TMCO4: variants seen among roughly 807,000 people sequenced by gnomAD.
The protein encoded by TMCO4 is transmembrane and coiled-coil domain-containing protein 4.
A neutral mutation model predicts 64.7 loss-of-function variants in TMCO4; 58 were observed. The ratio of observed to expected loss-of-function variants is 0.90; its 90% CI spans 0.73 to 1.12. TMCO4 has a LOEUF of 1.12. Among genes scored for constraint, TMCO4 ranks in the 50% most tolerant of loss-of-function variants. TMCO4 has a pLI of 0.00. For missense variants in TMCO4, 780 were observed against 825.9 expected, an observed-to-expected ratio of 0.94 and a Z score of 0.68; for synonymous variants, 325 against 346.1, an observed-to-expected ratio of 0.94 and a Z score of 0.68.
At chr1:19,691,780 C>T (rs570991683) in intron 15 of TMCO4, among the ~76,000 whole-genome samples, 1 of 152,356 alleles carries the variant, frequency 6.6e-6, no homozygotes, top group South Asian at 2.1e-4. Context: ...ACCCAAATCT[C>T]ATCTTGAATT....
At chr1:19,716,389 T>TC (rs1251192624) in intron 13 of TMCO4, among the ~76,000 whole-genome samples, 6 of 148,008 alleles carry the variant, frequency 4.1e-5, no homozygotes, top group Admixed American at 2.0e-4. Flanking sequence ...TTCTTTTTTT[T>TC]TTTTTTTTGT....
intron 10 of TMCO4, among the ~76,000 whole-genome samples, chr1:19,745,203 G>A (rs1244323597): frequency 1.3e-5 from 2 of 149,438 alleles, no homozygotes; most frequent in Non-Finnish European, 3.0e-5. Context: ...AGAGTAGATG[G>A]ATGGATGGAT....
At chr1:19,693,074 G>C (rs1430961910) in intron 15 of TMCO4, among the ~76,000 whole-genome samples, 1 of 150,082 alleles carries the variant, frequency 6.7e-6, no homozygotes, top group Non-Finnish European at 1.5e-5. Context: ...TCAGGAGGCT[G>C]GGGCAGGAAG....
At chr1:19,790,689 A>C (rs1339399250) in intron 2 of TMCO4, among the ~76,000 whole-genome samples, 1 of 152,188 alleles carries the variant, frequency 6.6e-6, no homozygotes, top group East Asian at 1.9e-4. Flanking sequence ...GAGAAATAGG[A>C]ACACTCTTAC....
chr1:19,747,032 C>T (rs922589017), intron 8 of TMCO4, 131 bp downstream of exon 8: 1 of 835,496 alleles, frequency 1.2e-6, no homozygotes, highest in Non-Finnish European at 2.0e-6. Flanking sequence ...CGACTACTCA[C>T]TGACTACCTA....
chr1:19,745,849 T>C (rs1260113484), intron 9 of TMCO4, among the ~76,000 whole-genome samples, 198 bp from the exon 10 acceptor site: 2 of 152,118 alleles, frequency 1.3e-5, no homozygotes, highest in Non-Finnish European at 2.9e-5. Flanking sequence ...AGAAGCTGCT[T>C]CTGAGGCTGG....
At chr1:19,687,913 AG>A (rs2095162356) in intron 15 of TMCO4, among the ~76,000 whole-genome samples, 1 of 152,136 alleles carries the variant, frequency 6.6e-6, no homozygotes, top group African/African-American at 2.4e-5. Flanking sequence ...CCCTCTGCAA[AG>A]ACCCAGGGGA....
Position 19,747,334 on chromosome 1 carries a change from C to T in TMCO4, c.516-74G>A. 2 of 1,307,354 alleles carry T rather than the reference C, an allele frequency of 1.5e-6. 1 individual carries two copies. The highest frequency in any genetic ancestry group is 2.4e-5 in the South Asian group (2 of 85,084). The allele number at this position is 1,307,354 out of a possible 1,614,324, so 81.0% of individuals were successfully genotyped here. On this transcript the variant is annotated intron_variant, in intron 7 of 15. Coordinates refer to ENST00000294543, the MANE Select transcript of TMCO4 (RefSeq NM_181719.7). The stretch of plus-strand genomic sequence containing the variant: ...TTGAGACATCCCCACCACACCAACC[C>T]TCAAACAGGGGCCAATGCTGGGTAG...
chr1:19,686,173 C>A (rs549271232), intron 15 of TMCO4, among the ~76,000 whole-genome samples: 1 of 152,330 alleles, frequency 6.6e-6, no homozygotes, highest in African/African-American at 2.4e-5. Context: ...AGCGCATGAA[C>A]AGCACAGTCT....
intron 13 of TMCO4, among the ~76,000 whole-genome samples, chr1:19,713,097 A>G (rs2095339051): frequency 6.6e-6 from 1 of 152,190 alleles, no homozygotes; most frequent in Non-Finnish European, 1.5e-5. Flanking sequence ...TGAAAATGGC[A>G]TGATGCGATT....
intron 15 of TMCO4, among the ~76,000 whole-genome samples, chr1:19,685,227 G>A (rs1371119809): frequency 1.3e-5 from 2 of 152,196 alleles, no homozygotes; most frequent in African/African-American, 2.4e-5. Flanking sequence ...TATGTAGGCT[G>A]GGGTAGGAGG....
At chr1:19,761,481 T>C (rs1458529021) in intron 6 of TMCO4, among the ~76,000 whole-genome samples, 1 of 152,240 alleles carries the variant, frequency 6.6e-6, no homozygotes, top group Non-Finnish European at 1.5e-5. Context: ...CCAGAGGTCC[T>C]TTCCAGCTCA....
intron 11 of TMCO4, among the ~76,000 whole-genome samples, chr1:19,740,297 C>T (rs2095473441): frequency 6.6e-6 from 1 of 152,152 alleles, no homozygotes; most frequent in South Asian, 2.1e-4. Flanking sequence ...TTGCCAAAGA[C>T]ATTAATAGAT....
chr1:19,692,237 T>A (rs1362987633), intron 15 of TMCO4, among the ~76,000 whole-genome samples: 2 of 152,178 alleles, frequency 1.3e-5, no homozygotes, highest in Non-Finnish European at 2.9e-5. Flanking sequence ...TACAGCTTAT[T>A]CCTTATTCCT....
At chr1:19,770,458 A>G (rs1185358960) in intron 6 of TMCO4, 84 bp downstream of exon 6, 3 of 1,503,264 alleles carry the variant, frequency 2.0e-6, no homozygotes, top group Non-Finnish European at 2.8e-6. Flanking sequence ...ACCCGGCCCC[A>G]GGTGGTGGCA....
intron 14 of TMCO4, among the ~76,000 whole-genome samples, chr1:19,699,559 G>A (rs2095258432): frequency 6.6e-6 from 1 of 150,422 alleles, no homozygotes; most frequent in African/African-American, 2.5e-5. Flanking sequence ...AGGCCCTCCA[G>A]CCAATGCTGA....
At chr1:19,763,492 TC>T (rs1371800680) in intron 6 of TMCO4, among the ~76,000 whole-genome samples, 1 of 152,190 alleles carries the variant, frequency 6.6e-6, no homozygotes, top group Non-Finnish European at 1.5e-5. Context: ...TGATATTACT[TC>T]ATGGGAAATT....
intron 6 of TMCO4, among the ~76,000 whole-genome samples, chr1:19,763,468 C>T (rs775609039): frequency 2.6e-5 from 4 of 152,124 alleles, no homozygotes; most frequent in Admixed American, 6.6e-5. Context: ...AGTAAGTGCC[C>T]GATACAGGGT....
At chr1:19,796,163 G>A (rs576677679) in intron 2 of TMCO4, among the ~76,000 whole-genome samples, 3 of 152,302 alleles carry the variant, frequency 2.0e-5, no homozygotes, top group South Asian at 2.1e-4. Flanking sequence ...AGAGACAATC[G>A]CTGTCCCCAC....
Sources: gnomAD v4.1 joint callset for allele counts (sites outside exome capture counted in the v4.1 genomes callset) on GRCh38, gnomAD v4.1.1 for gene constraint, MANE v1.5 for transcripts, NCBI Gene and HGNC (gene_info 2026-07-23, HGNC 2026-07-21) for gene names.